The following BCAT1 variants were observed in gnomAD, a reference collection of about 807,000 sequenced individuals.
BCAT1 encodes branched chain amino acid transaminase 1.
Under a neutral mutation model 52.4 loss-of-function variants are expected in BCAT1, and 48 were observed. The observed-to-expected ratio is 0.92, with a 90% CI of 0.73 to 1.16. The LOEUF is 1.16. Ranked by LOEUF, BCAT1 falls within the 50% of genes most tolerant of loss-of-function variation. The pLI, the probability that BCAT1 is intolerant of heterozygous loss-of-function variation, is 0.00. For synonymous variants in BCAT1, 167 were observed against 161.3 expected, an observed-to-expected ratio of 1.04 and a Z score of -0.27; for missense variants, 451 against 457.1, an observed-to-expected ratio of 0.99 and a Z score of 0.12.
chr12:24,875,109 G>A (rs1341014901), intron 5 of BCAT1, among the ~76,000 whole-genome samples: 1 of 150,792 alleles, frequency 6.6e-6, no homozygotes, highest in African/African-American at 2.4e-5. Context: ...AACATAAAAA[G>A]ATAAGTAAAG....
intron 5 of BCAT1, among the ~76,000 whole-genome samples, chr12:24,867,782 A>G (rs757398223): frequency 2.6e-5 from 4 of 152,222 alleles, no homozygotes; most frequent in Non-Finnish European, 4.4e-5. Context: ...AGTGGGGCAG[A>G]TCACCTGAGG....
chr12:24,946,718 A>G (rs1012341296), intron 1 of BCAT1, among the ~76,000 whole-genome samples: 3 of 152,124 alleles, frequency 2.0e-5, no homozygotes, highest in Non-Finnish European at 2.9e-5. Flanking sequence ...GCTCTGCGCT[A>G]TTTTTCTTTT....
chr12:24,894,425 G>A lies in BCAT1; in HGVS notation c.129C>T (p.Asp43=). 1 of 1,609,214 alleles carries A rather than the reference G, an allele frequency of 6.2e-7. No homozygotes were observed. Among genetic ancestry groups the A allele is most frequent in the Non-Finnish European group, 8.5e-7 (1 of 1,177,486 alleles). ...CAGTTCCAAAAACCAGATTATTGGG[G>A]TCTGGTTTTTCCTTTAAAATGGTAG... ...TPATILKEKP[D]PNNLVFGTVF... is the part of the protein sequence containing the mutation. Residue 43 remains aspartate, a synonymous_variant, in exon 3 of 11, where the codon GAC becomes GAT. Transcript: ENST00000261192.
At chr12:24,829,782 A>AAGG (rs2139369460) in intron 10 of BCAT1, 41 bp downstream of exon 10, 3 of 1,458,268 alleles carry the variant, frequency 2.1e-6, no homozygotes, top group Non-Finnish European at 2.8e-6. Context: ...TAAAAAAAAG[A>AAGG]AAAGAAAAGG....
intron 7 of BCAT1, among the ~76,000 whole-genome samples, chr12:24,839,327 CCGT>C (rs1208473090): frequency 6.6e-6 from 1 of 152,142 alleles, no homozygotes; most frequent in Non-Finnish European, 1.5e-5. Flanking sequence ...CAAGTCGAGT[CCGT>C]ATACACGCCT....
chr12:24,927,726 T>G (rs1255821641), intron 1 of BCAT1, among the ~76,000 whole-genome samples: 1 of 152,228 alleles, frequency 6.6e-6, no homozygotes, highest in East Asian at 1.9e-4. Context: ...AGTCTCAGAA[T>G]AGAGAATCCA....
intron 1 of BCAT1, among the ~76,000 whole-genome samples, chr12:24,929,517 A>T (rs1387948345): frequency 6.6e-6 from 1 of 152,208 alleles, no homozygotes; most frequent in African/African-American, 2.4e-5. Flanking sequence ...AACAAAATTT[A>T]TATCTATAAA....
chr12:24,945,378 T>C (rs929892042), intron 1 of BCAT1: 3 of 152,188 alleles, frequency 2.0e-5, no homozygotes, highest in African/African-American at 7.2e-5. Flanking sequence ...TGCAGTGGCC[T>C]TAGTTGAATG....
intron 4 of BCAT1, 39 bp from the exon 5 acceptor site, chr12:24,878,688 T>C: frequency 2.6e-6 from 4 of 1,559,510 alleles, no homozygotes; most frequent in Non-Finnish European, 2.6e-6. Context: ...CAGAATTTTC[T>C]CACAATGTGG....
At chr12:24,867,538 G>T (rs562527453) in intron 5 of BCAT1, among the ~76,000 whole-genome samples, 1 of 152,236 alleles carries the variant, frequency 6.6e-6, no homozygotes, top group South Asian at 2.1e-4. Flanking sequence ...AAAAACTTAT[G>T]ATTTAGCACT....
At chr12:24,835,574 TATTTATTTATTTATTTATTTA>T (rs1940883785) in intron 8 of BCAT1, among the ~76,000 whole-genome samples, 1 of 145,152 alleles carries the variant, frequency 6.9e-6, no homozygotes, top group Non-Finnish European at 1.5e-5. Flanking sequence ...TTTATTTATT[TATTTATTTATTTATTTATTTA>T]ATTTACTTTT....
At chr12:24,844,916 A>AAAAAAAAAAT (rs1941297182) in intron 6 of BCAT1, among the ~76,000 whole-genome samples, 1 of 146,476 alleles carries the variant, frequency 6.8e-6, no homozygotes. Flanking sequence ...AAAAAAAAAA[A>AAAAAAAAAAT]AGAGTCCTTA....
intron 1 of BCAT1, among the ~76,000 whole-genome samples, chr12:24,904,839 T>A (rs896388819): frequency 1.3e-5 from 2 of 151,996 alleles, no homozygotes; most frequent in African/African-American, 4.8e-5. Context: ...GAGAGAAAAG[T>A]GTTAATTGTG....
intron 5 of BCAT1, among the ~76,000 whole-genome samples, chr12:24,874,172 G>C (rs749531961): frequency 6.6e-6 from 1 of 152,086 alleles, no homozygotes; most frequent in African/African-American, 2.4e-5. Flanking sequence ...AAATTAGCTG[G>C]GCATGGTGGC....
chr12:24,868,866 C>T (rs1312199344), intron 5 of BCAT1, among the ~76,000 whole-genome samples: 1 of 152,090 alleles, frequency 6.6e-6, no homozygotes, highest in Non-Finnish European at 1.5e-5. Context: ...AGAAGCTAGC[C>T]ACAGACTGGG....
chr12:24,844,320 A>G lies in BCAT1; in HGVS notation c.675-2096T>C, dbSNP rs559223605. Among the ~76,000 whole-genome samples the G allele has an allele frequency of 1.2e-4, 18 of 151,948 alleles. No individual in the cohort carries two copies. In the East Asian group the frequency reaches 1.7e-3, roughly 15 times the overall value. ...GTGGCCCATGCCTGTAATCCCAGCT[A>G]CTCTGGAGGCTGAGGCAGGAGAATT... On this transcript the variant is annotated intron_variant, in intron 6 of 10. Transcript: ENST00000261192.
At chr12:24,888,492 T>C (rs533119552) in intron 3 of BCAT1, among the ~76,000 whole-genome samples, 1 of 152,168 alleles carries the variant, frequency 6.6e-6, no homozygotes, top group African/African-American at 2.4e-5. Context: ...GAGCAAGACC[T>C]TGTCTCAGAA....
chr12:24,945,306 C>T (rs529954199), intron 1 of BCAT1: 10 of 152,242 alleles, frequency 6.6e-5, no homozygotes, highest in Admixed American at 5.9e-4. Flanking sequence ...AATTTTGAAA[C>T]ATTTAAAAAA....
intron 5 of BCAT1, among the ~76,000 whole-genome samples, chr12:24,878,098 C>T (rs1439998666): frequency 1.3e-5 from 2 of 150,124 alleles, no homozygotes; most frequent in Non-Finnish European, 2.9e-5. Context: ...AAGCTGCAGT[C>T]AGCCGTGATT....
Sources: gnomAD v4.1 joint callset for allele counts (sites outside exome capture counted in the v4.1 genomes callset) on GRCh38, gnomAD v4.1.1 for gene constraint, MANE v1.5 for transcripts, NCBI Gene and HGNC (gene_info 2026-07-23, HGNC 2026-07-21) for gene names.